Variants in GBA2 observed in about 807,000 individuals in gnomAD.
The protein encoded by GBA2 is glucosylceramidase beta 2, also known as non-lysosomal glucosylceramidase.
Under a neutral mutation model 112.9 loss-of-function variants are expected in GBA2, and 79 were observed. The ratio of observed to expected loss-of-function variants is 0.70; its 90% CI spans 0.58 to 0.84. The LOEUF (loss-of-function observed/expected upper bound fraction) is 0.84. Ranked by LOEUF, GBA2 falls within the 40% of genes least tolerant of loss-of-function variation. The probability of loss-of-function intolerance (pLI) is 0.00; values close to 1 mark genes in which losing one functional copy is unlikely to be tolerated. For synonymous variants in GBA2, 403 were observed against 434.3 expected, an observed-to-expected ratio of 0.93 and a Z score of 0.90; for missense variants, 1,043 against 1,190.0, an observed-to-expected ratio of 0.88 and a Z score of 1.82.
intron 3 of GBA2, among the ~76,000 whole-genome samples, chr9:35,743,009 T>C (rs971053782): frequency 6.6e-6 from 1 of 152,330 alleles, no homozygotes; most frequent in African/African-American, 2.4e-5. Flanking sequence ...TATGTAACAA[T>C]GTATGAGGTA....
intron 1 of GBA2, among the ~76,000 whole-genome samples, chr9:35,747,942 T>C (rs1563969178): frequency 6.6e-6 from 1 of 152,100 alleles, no homozygotes; most frequent in Non-Finnish European, 1.5e-5. Flanking sequence ...TTGTGGGAAA[T>C]AAGGGGTTGA....
Position 35,740,826 on chromosome 9 carries a change from G to A in GBA2, c.1025C>T (p.Thr342Met), listed in dbSNP as rs142303353. The A allele has an allele frequency of 4.0e-5, 64 of 1,613,908 alleles. No homozygotes were observed. The highest frequency in any genetic ancestry group is 2.7e-4 in the South Asian group (25 of 91,088). Residue 342 changes from threonine to methionine, a missense_variant and splice_region_variant, in exon 5 of 17, where the codon ACG (threonine) becomes ATG (methionine). Transcript: ENST00000378103. The surrounding 1 kb of genome is among the most constrained non-coding windows in gnomAD (Gnocchi z 4.7). Reference sequence around the variant, plus strand: ...GTATAGGGCAGGCTCTTTCCTTACCGTGACTCGTGCAGCCACAGCCATCGT... The same window carrying A: ...GTATAGGGCAGGCTCTTTCCTTACCATGACTCGTGCAGCCACAGCCATCGT... ...PYTMAVAARVTAATTVTHITA... is the reference protein window; with the variant it reads ...PYTMAVAARVMAATTVTHITA...
chr9:35,740,032 T>A lies in GBA2; in HGVS notation c.1375A>T (p.Ile459Phe). Residue 459 changes from isoleucine to phenylalanine, a missense_variant, in exon 8 of 17, where the codon ATC (isoleucine) becomes TTC (phenylalanine). Physicochemically the swap from Ile to Phe is conservative, Grantham distance 21. Transcript: ENST00000378103. This position sits in a 1 kb window ranked among gnomAD's most constrained non-coding sequence, Gnocchi z 4.7. ...AATACCGGGCTCTGCCAAGCTGAGA[T>A]CCTCTCTTCCCACTCTGCGTATCGG... ...LCRYAEWEER[I>F]SAWQSPVLDD... 6.2e-7 allele frequency: 1 copy of A among 1,614,016 alleles called. No individual in the cohort carries two copies. Among genetic ancestry groups the A allele is most frequent in the Non-Finnish European group, 8.5e-7 (1 of 1,179,964 alleles).
At position 35,737,797 on chromosome 9, in the gene GBA2, T is replaced by TC; in HGVS notation, c.2455dup (p.Glu819GlyfsTer28). On this transcript the variant is annotated frameshift_variant, in exon 16 of 17. Coordinates refer to ENST00000378103, the MANE Select transcript of GBA2 (RefSeq NM_020944.3). LOFTEE classifies it high-confidence loss of function. This position sits in a 1 kb window ranked among gnomAD's most constrained non-coding sequence, Gnocchi z 4.1. ...CCCGTAGACCACACCCACCCAGACTTCATCAGACTGCACACTGGATTTATC... is the reference window on the plus strand; with the variant it reads ...CCCGTAGACCACACCCACCCAGACTTCCATCAGACTGCACACTGGATTTATC... 4 of 1,613,810 alleles carry TC rather than the reference T, an allele frequency of 2.5e-6. No homozygotes were observed. The highest frequency in any genetic ancestry group is 3.4e-6 in the Non-Finnish European group (4 of 1,179,934).
rs1342185391 is a variant in GBA2, at chr9:35,745,562, T to A, written c.360-856A>T. Among the ~76,000 whole-genome samples, 4 of 152,056 alleles carry A rather than the reference T, an allele frequency of 2.6e-5. No individual in the cohort carries two copies. The South Asian group carries it at 6.2e-4, about 24-fold the overall frequency. ...TCTCAAGCCTTTTTTTTTTTTTTTT[T>A]TAAATTCAACATTTAAACTGTGAAG... On this transcript the variant is annotated intron_variant, in intron 1 of 16. Transcript: ENST00000378103.
In GBA2 at chr9:35,738,904, CTG is replaced by C. The variant is rs750571588; in HGVS notation, c.1796-3_1796-2del. The C allele has an allele frequency of 4.3e-6, 7 of 1,613,972 alleles. No homozygotes were observed. In the African/African-American group the frequency reaches 9.3e-5, roughly 22 times the overall value. On this transcript the variant is annotated splice_acceptor_variant and splice_polypyrimidine_tract_variant and intron_variant, in intron 11 of 16. Coordinates refer to ENST00000378103, the MANE Select transcript of GBA2 (RefSeq NM_020944.3). LOFTEE classifies it high-confidence loss of function. ...TTGACGCGGAGCCATGGTTCATCAT[CTG>C]TGGGAGAGGAGGGGACTTGGGTCAC...
chr9:35,744,237 G>A, intron 3 of GBA2, 60 bp downstream of exon 3: 2 of 902,378 alleles, frequency 2.2e-6, no homozygotes, highest in African/African-American at 3.3e-5. Context: ...CTAGCCAAGA[G>A]GTCCTTCCTT....
At chr9:35,742,396 T>C (rs1826743013) in intron 3 of GBA2, among the ~76,000 whole-genome samples, 1 of 152,218 alleles carries the variant, frequency 6.6e-6, no homozygotes, top group African/African-American at 2.4e-5. Flanking sequence ...CTCTCCTCCA[T>C]GCCTGTGCTC....
Position 35,739,367 on chromosome 9 carries a change from A to G in GBA2, c.1635T>C (p.Phe545=). Residue 545 remains phenylalanine, a synonymous_variant, in exon 10 of 17, where the codon TTT becomes TTC. Coordinates refer to ENST00000378103, the MANE Select transcript of GBA2 (RefSeq NM_020944.3). ...NTYDVHFYAS[F]ALIMLWPKLE... Reference sequence around the variant, plus strand: ...GTTTGGGCCAGAGCATGATGAGGGCAAAGGAAGCATAAAAGTGGACATCAT... The same window carrying G: ...GTTTGGGCCAGAGCATGATGAGGGCGAAGGAAGCATAAAAGTGGACATCAT... 6.2e-7 allele frequency: 1 copy of G among 1,613,880 alleles called. No homozygotes were observed.
chr9:35,740,509 G>T lies in GBA2; in HGVS notation c.1129+17C>A. 1 of 1,594,856 alleles carries T rather than the reference G, an allele frequency of 6.3e-7. No homozygotes were observed. The highest frequency in any genetic ancestry group is 8.6e-7 in the Non-Finnish European group (1 of 1,162,802). On this transcript the variant is annotated intron_variant, in intron 6 of 16. Coordinates refer to ENST00000378103, the MANE Select transcript of GBA2 (RefSeq NM_020944.3). This position sits in a 1 kb window ranked among gnomAD's most constrained non-coding sequence, Gnocchi z 4.7. ...CAACCTCTCTTCCCACCATCTCCCA[G>T]TCAGACCCCCCATCACCAGTGGGAG...
At position 35,748,800 on chromosome 9, in the gene GBA2, G is replaced by C; in HGVS notation, c.-96C>G. 2 of 755,812 alleles carry C rather than the reference G, an allele frequency of 2.6e-6. No homozygotes were observed. Among genetic ancestry groups the C allele is most frequent in the Non-Finnish European group, 4.3e-6 (2 of 460,828 alleles). The allele number at this position is 755,812 out of a possible 1,614,324, so 46.8% of individuals were successfully genotyped here. A position where few individuals can be genotyped will look rare whatever the true frequency, so the allele number is the denominator to read the frequency against. On this transcript the variant is annotated 5_prime_UTR_variant, in exon 1 of 17. Transcript: ENST00000378103. ...CCGGTCGTTGTTAGGTATCGTCCCG[G>C]AGGGCCGGGCGTTGGGGAAAGCTTA...
chr9:35,738,340 C>T lies in GBA2; in HGVS notation c.2089G>A (p.Ala697Thr), dbSNP rs1410144906. 2 of 1,614,136 alleles carry T rather than the reference C, an allele frequency of 1.2e-6. No individual in the cohort carries two copies. The highest frequency in any genetic ancestry group is 8.5e-7 in the Non-Finnish European group (1 of 1,179,986). ...YCGGLWLAAV[A>T]VMVQMAALCG... ...AGAGCAGCCATCTGGACCATCACAG[C>T]CACAGCTGCCAGCCACAGCCCTCCA... Residue 697 changes from alanine (A) to threonine (T), a missense_variant, in exon 14 of 17, where the codon GCT (alanine) becomes ACT (threonine). By Grantham distance (58) the Ala-to-Thr change is moderately conservative. Transcript: ENST00000378103.
intron 3 of GBA2, among the ~76,000 whole-genome samples, chr9:35,743,665 A>G (rs1246692334): frequency 6.6e-6 from 1 of 152,226 alleles, no homozygotes; most frequent in Non-Finnish European, 1.5e-5. Context: ...GCGGTCAACT[A>G]GAGAGAGATG....
chr9:35,748,329 C>A lies in GBA2; in HGVS notation c.359+17G>T. 1.4e-6 allele frequency: 2 copies of A among 1,465,774 alleles called. No individual in the cohort carries two copies. The highest frequency in any genetic ancestry group is 1.9e-6 in the Non-Finnish European group (2 of 1,060,784). The allele number at this position is 1,465,774 out of a possible 1,614,324, so 90.8% of individuals were successfully genotyped here. Reference sequence around the variant, plus strand: ...AAAGTGAAGCCAAAGGCATTCTAGGCAATGGGGTCTACTCACCTCAAGCCC... The same window carrying A: ...AAAGTGAAGCCAAAGGCATTCTAGGAAATGGGGTCTACTCACCTCAAGCCC... On this transcript the variant is annotated intron_variant, in intron 1 of 16. Coordinates refer to ENST00000378103, the MANE Select transcript of GBA2 (RefSeq NM_020944.3).
In GBA2 at chr9:35,740,376, A is replaced by G; in HGVS notation, c.1130-14T>C. 1.9e-6 allele frequency: 3 copies of G among 1,611,618 alleles called. No homozygotes were observed. The East Asian group carries it at 6.7e-5, about 36-fold the overall frequency. On this transcript the variant is annotated splice_polypyrimidine_tract_variant and intron_variant, in intron 6 of 16. Coordinates refer to ENST00000378103, the MANE Select transcript of GBA2 (RefSeq NM_020944.3). This position sits in a 1 kb window ranked among gnomAD's most constrained non-coding sequence, Gnocchi z 4.7. Reference sequence around the variant, plus strand: ...GGGTGCTTTGGCCTGAGAGAAACACAAGAGAATTCAGGACAGGAGCCCCTT... The same window carrying G: ...GGGTGCTTTGGCCTGAGAGAAACACGAGAGAATTCAGGACAGGAGCCCCTT...
chr9:35,746,572 C>A lies in GBA2; in HGVS notation c.359+1774G>T, dbSNP rs796179819. 2.0e-5 allele frequency among the ~76,000 whole-genome samples: 3 copies of A among 151,476 alleles called. No homozygotes were observed. Among genetic ancestry groups the A allele is most frequent in the African/African-American group, 7.3e-5 (3 of 41,228 alleles). ...CACCATTGTACTCCAGCCTGGGTGA[C>A]AAGAGCAAGACTGTCTCAAAAAAAA... is the stretch of plus-strand genomic sequence containing the variant. On this transcript the variant is annotated intron_variant, in intron 1 of 16. Transcript: ENST00000378103. The surrounding 1 kb of genome is among the most constrained non-coding windows in gnomAD (Gnocchi z 5.2).
chr9:35,744,083 G>A (rs928771843), intron 3 of GBA2, among the ~76,000 whole-genome samples: 42 of 152,182 alleles, frequency 2.8e-4, no homozygotes, highest in Admixed American at 2.5e-3. Context: ...AGAAATGCCA[G>A]ATCTGTTTAC....
At position 35,741,534 on chromosome 9, in the gene GBA2, A is replaced by G. The variant is rs1885375; in HGVS notation, c.786+138T>C. On this transcript the variant is annotated intron_variant, in intron 4 of 16. Transcript: ENST00000378103. This position sits in a 1 kb window ranked among gnomAD's most constrained non-coding sequence, Gnocchi z 4.6. ...AGGATGGTCTCGATCTCCTGATCTCATGATCCGCCTGCCTTGGCCTCCCAA... is the reference window on the plus strand; with the variant it reads ...AGGATGGTCTCGATCTCCTGATCTCGTGATCCGCCTGCCTTGGCCTCCCAA... The G allele has an allele frequency of 0.99, 709,953 of 716,776 alleles. 351,862 individuals are homozygous for G. Among genetic ancestry groups the G allele is most frequent in the East Asian group, 1 (40,250 of 40,250 alleles). 44.4% of individuals were successfully genotyped at this position (716,776 alleles called of 1,614,324 possible). A position where few individuals can be genotyped will look rare whatever the true frequency, so the allele number is the denominator to read the frequency against.
intron 1 of GBA2, among the ~76,000 whole-genome samples, chr9:35,745,128 A>AT (rs929751410): frequency 1.7e-4 from 25 of 149,340 alleles, no homozygotes; most frequent in Non-Finnish European, 2.1e-4. Flanking sequence ...ATTATTTATT[A>AT]TTTTTTTTTT....
Sources: gnomAD v4.1 joint callset for allele counts (sites outside exome capture counted in the v4.1 genomes callset) on GRCh38, gnomAD v4.1.1 for gene constraint, Gnocchi (gnomAD v3.1) non-coding constraint, MANE v1.5 for transcripts, NCBI Gene and HGNC (gene_info 2026-07-23, HGNC 2026-07-21) for gene names.